The following PTPRM variants were observed in gnomAD, a reference collection of about 807,000 sequenced individuals.
The protein encoded by PTPRM is receptor-type tyrosine-protein phosphatase mu.
A neutral mutation model predicts 186.7 loss-of-function variants in PTPRM; 47 were observed. The observed-to-expected ratio is 0.25, with a 90% CI of 0.20 to 0.32. PTPRM has a LOEUF of 0.32. Among genes scored for constraint, PTPRM ranks in the 10% least tolerant of loss-of-function variants. The pLI is 1.00. For synonymous variants in PTPRM, 668 were observed against 674.9 expected (o/e 0.99, Z 0.16); for missense variants, 1,494 against 1,865.0 (o/e 0.80, Z 3.66).
chr18:8,379,068 C>T (rs1003312948), intron 27 of PTPRM, 99 bp from the exon 28 acceptor site: 10 of 975,744 alleles, frequency 1.0e-5, no homozygotes, highest in African/African-American at 5.0e-5. Flanking sequence ...GACCGTCTTG[C>T]AGTCAGCCAC....
chr18:8,021,565 T>G (rs1391418989), intron 7 of PTPRM, among the ~76,000 whole-genome samples: 2 of 152,080 alleles, frequency 1.3e-5, no homozygotes, highest in Non-Finnish European at 2.9e-5. Context: ...TTCCCCTCCC[T>G]GTGTCCATGT....
chr18:8,339,991 A>AC (rs1465891969), intron 22 of PTPRM, among the ~76,000 whole-genome samples: 6 of 152,118 alleles, frequency 3.9e-5, no homozygotes, highest in African/African-American at 7.2e-5. Context: ...TCAAAAAAAA[A>AC]ACCCCACAAA....
rs1268542432 is a variant in PTPRM, at chr18:8,070,009, A to G, written c.1441+15A>G. On this transcript the variant is annotated intron_variant, in intron 8 of 32. Coordinates refer to ENST00000580170, the MANE Select transcript of PTPRM (RefSeq NM_001105244.2). ...AGATGAAGACCGTGAGTACCTTTGA[A>G]TGATATGTTTGTGTAAAACATGTTC... The G allele has an allele frequency of 6.3e-7, 1 of 1,597,400 alleles. No homozygotes were observed. Among genetic ancestry groups the G allele is most frequent in the East Asian group, 2.2e-5 (1 of 44,670 alleles).
At chr18:7,842,123 C>A (rs1471918895) in intron 2 of PTPRM, among the ~76,000 whole-genome samples, 1 of 152,084 alleles carries the variant, frequency 6.6e-6, no homozygotes, top group Non-Finnish European at 1.5e-5. Context: ...CTTCCTTTTT[C>A]TTTTAGACCC....
In PTPRM at chr18:8,020,655, C is replaced by T. The variant is rs553531878; in HGVS notation, c.1133-49031C>T. Among the ~76,000 whole-genome samples the T allele has an allele frequency of 2.4e-3, 372 of 152,324 alleles. 3 individuals are homozygous for T. The highest frequency in any genetic ancestry group is 8.5e-3 in the African/African-American group (352 of 41,574). The stretch of plus-strand genomic sequence containing the variant: ...TCACTTCCTGGTCTCTCAGTACTGG[C>T]TTGGTGCCTTTACAGCCCAATCATG... On this transcript the variant is annotated intron_variant, in intron 7 of 32. Transcript: ENST00000580170.
chr18:7,955,199 C>T lies in PTPRM; in HGVS notation c.917C>T (p.Ser306Phe). 1 of 1,614,202 alleles carries T rather than the reference C, an allele frequency of 6.2e-7. No individual in the cohort carries two copies. The highest frequency in any genetic ancestry group is 8.5e-7 in the Non-Finnish European group (1 of 1,180,052). ...CTGTGGATACAGCTCAACGCCAACT[C>T]CATCAATGGGGATGGGCCCATTGTG... Reference protein sequence around the residue: ...TYLWIQLNANSINGDGPIVAR... With the variant: ...TYLWIQLNANFINGDGPIVAR... The change falls in exon 7 of 33, where the codon TCC becomes TTC. Residue 306 changes from serine (S) to phenylalanine (F), a missense_variant. Transcript: ENST00000580170.
At chr18:7,950,995 C>T (rs748395820) in intron 6 of PTPRM, among the ~76,000 whole-genome samples, 4 of 152,128 alleles carry the variant, frequency 2.6e-5, no homozygotes, top group Non-Finnish European at 4.4e-5. Flanking sequence ...GAGGCCACCT[C>T]GAGAATCGTC....
intron 22 of PTPRM, among the ~76,000 whole-genome samples, chr18:8,337,906 G>A (rs940002353): frequency 2.0e-5 from 3 of 152,174 alleles, no homozygotes; most frequent in Non-Finnish European, 4.4e-5. Context: ...TGAGAGCAGC[G>A]GAAAGCTGTG....
chr18:7,947,660 C>A (rs999201860), intron 5 of PTPRM, among the ~76,000 whole-genome samples: 7 of 152,120 alleles, frequency 4.6e-5, no homozygotes, highest in Admixed American at 4.6e-4. Context: ...GTAGCGTTTC[C>A]TATAACTAGA....
intron 13 of PTPRM, among the ~76,000 whole-genome samples, chr18:8,127,421 T>G (rs1394917178): frequency 6.6e-6 from 1 of 151,076 alleles, no homozygotes; most frequent in African/African-American, 2.4e-5. Flanking sequence ...CTGTATTGTT[T>G]TTTTTTTTTT....
intron 1 of PTPRM, among the ~76,000 whole-genome samples, chr18:7,703,558 TAAG>T (rs1270545946): frequency 6.6e-6 from 1 of 152,208 alleles, no homozygotes; most frequent in Non-Finnish European, 1.5e-5. Context: ...CTTATCAGCT[TAAG>T]GAGATTTTGG....
intron 2 of PTPRM, among the ~76,000 whole-genome samples, chr18:7,783,440 G>C (rs1010928936): frequency 1.3e-5 from 2 of 152,174 alleles, no homozygotes; most frequent in Non-Finnish European, 2.9e-5. Context: ...AGTCAGAGGG[G>C]TTAGTGGGTA....
chr18:7,916,754 T>C (rs895416715), intron 4 of PTPRM, among the ~76,000 whole-genome samples: 1 of 152,214 alleles, frequency 6.6e-6, no homozygotes, highest in Non-Finnish European at 1.5e-5. Context: ...TTAATTAGCT[T>C]ATCACCTCAA....
At chr18:7,812,882 G>A (rs1275327205) in intron 2 of PTPRM, among the ~76,000 whole-genome samples, 5 of 152,208 alleles carry the variant, frequency 3.3e-5, no homozygotes, top group Non-Finnish European at 5.9e-5. Context: ...AGCAGCAGTG[G>A]CGCAGAGGTG....
At chr18:8,361,882 A>T (rs558579157) in intron 23 of PTPRM, among the ~76,000 whole-genome samples, 8 of 152,334 alleles carry the variant, frequency 5.3e-5, no homozygotes, top group Admixed American at 2.6e-4. Context: ...CAAAAACTTT[A>T]TCCGAGGTTC....
At chr18:8,005,198 A>G (rs980030924) in intron 7 of PTPRM, among the ~76,000 whole-genome samples, 1 of 152,218 alleles carries the variant, frequency 6.6e-6, no homozygotes, top group Admixed American at 6.5e-5. Context: ...GTCTGTCTCA[A>G]TTAAGGAATG....
chr18:8,057,261 C>T (rs2088045846), intron 7 of PTPRM, among the ~76,000 whole-genome samples: 1 of 151,608 alleles, frequency 6.6e-6, no homozygotes, highest in African/African-American at 2.4e-5. Context: ...AAAATGTTAA[C>T]ATTTGATATT....
chr18:7,674,877 A>G lies in PTPRM; in HGVS notation c.74-99272A>G, dbSNP rs116688241. 2.4e-3 allele frequency among the ~76,000 whole-genome samples: 372 copies of G among 152,336 alleles called. 1 individual carries two copies. Among genetic ancestry groups the G allele is most frequent in the African/African-American group, 8.7e-3 (363 of 41,572 alleles). On this transcript the variant is annotated intron_variant, in intron 1 of 32. Coordinates refer to ENST00000580170, the MANE Select transcript of PTPRM (RefSeq NM_001105244.2). ...TTACATAGAAATGAAGCTGAACACT[A>G]TGATTTTGCTTATAGGGAAAAACAT...
intron 2 of PTPRM, among the ~76,000 whole-genome samples, chr18:7,842,111 T>A (rs1279871210): frequency 1.3e-5 from 2 of 152,178 alleles, no homozygotes; most frequent in East Asian, 1.9e-4. Flanking sequence ...CAAGCATGTC[T>A]GCTTCCTTTT....
Sources: gnomAD v4.1 joint callset for allele counts (sites outside exome capture counted in the v4.1 genomes callset) on GRCh38, gnomAD v4.1.1 for gene constraint, MANE v1.5 for transcripts, NCBI Gene and HGNC (gene_info 2026-07-23, HGNC 2026-07-21) for gene names.